The following DNAJB13 variants were observed in gnomAD, a reference collection of about 807,000 sequenced individuals.
DNAJB13 encodes DnaJ heat shock protein family (Hsp40) member B13.
A neutral mutation model predicts 35.6 loss-of-function variants in DNAJB13; 22 were observed. That is an observed-to-expected ratio of 0.62 (90% confidence interval 0.44 to 0.88). DNAJB13 has a LOEUF of 0.88. DNAJB13 is among the 40% of genes least tolerant of loss of function. The pLI is 0.00. For synonymous variants in DNAJB13, 136 were observed against 144.2 expected (o/e 0.94, Z 0.41); for missense variants, 370 against 384.3 (o/e 0.96, Z 0.31).
At chr11:73,965,623 A>G in intron 4 of DNAJB13, 1 of 162,714 alleles carries the variant, frequency 6.1e-6, no homozygotes, top group Admixed American at 5.8e-5. Flanking sequence ...CCACAGATGG[A>G]ACCCATCTGG....
At chr11:73,960,099 C>T (rs1453245720) in intron 3 of DNAJB13, among the ~76,000 whole-genome samples, 1 of 152,068 alleles carries the variant, frequency 6.6e-6, no homozygotes, top group Non-Finnish European at 1.5e-5. Context: ...ATATAAAACA[C>T]ATTGCAAAAG....
At chr11:73,954,784 T>C (rs1442660542) in intron 1 of DNAJB13, among the ~76,000 whole-genome samples, 2 of 151,790 alleles carry the variant, frequency 1.3e-5, no homozygotes, top group African/African-American at 2.4e-5. Context: ...GGTAAAACCC[T>C]GTCTCTACTA....
Position 73,964,959 on chromosome 11 carries a change from A to G in DNAJB13, c.416A>G (p.Gln139Arg), listed in dbSNP as rs200005644. The part of the protein sequence containing the change: ...QGRGVKKQDP[Q>R]VERDLYLSLE... Reference sequence around the variant, plus strand: ...CGAGGGGTCAAGAAGCAGGACCCCCAAGTCGAACGGGATCTCTACCTGTCC... The same window carrying G: ...CGAGGGGTCAAGAAGCAGGACCCCCGAGTCGAACGGGATCTCTACCTGTCC... The change falls in exon 4 of 8, where the codon CAA (glutamine) becomes CGA (arginine). Residue 139 changes from glutamine to arginine, a missense_variant. Physicochemically the swap from Gln to Arg is conservative, Grantham distance 43 (BLOSUM62 1). Transcript: ENST00000339764. The G allele has an allele frequency of 7.6e-5, 122 of 1,613,140 alleles. No homozygotes were observed. The African/African-American group carries it at 1.5e-3, about 20-fold the overall frequency.
At chr11:73,969,609 A>G (rs1219011343) in intron 7 of DNAJB13, among the ~76,000 whole-genome samples, 2 of 152,192 alleles carry the variant, frequency 1.3e-5, no homozygotes, top group Non-Finnish European at 2.9e-5. Context: ...CAAACTTCTC[A>G]TTAGAGTTCT....
chr11:73,965,170 G>A lies in DNAJB13; in HGVS notation c.492+135G>A, dbSNP rs369945954. ...TGGAACCTTAGATTCAGAGACCTAG[G>A]ATGTTAGAATTCCGGAATCTGAAAT... On this transcript the variant is annotated intron_variant, in intron 4 of 7. Coordinates refer to ENST00000339764, the MANE Select transcript of DNAJB13 (RefSeq NM_153614.4). 13 of 1,028,584 alleles carry A rather than the reference G, an allele frequency of 1.3e-5. No individual in the cohort carries two copies. In the African/African-American group the frequency reaches 2.1e-4, roughly 17 times the overall value. The allele number at this position is 1,028,584 out of a possible 1,614,324, so 63.7% of individuals were successfully genotyped here. A position where few individuals can be genotyped will look rare whatever the true frequency, so the allele number is the denominator to read the frequency against.
At position 73,959,588 on chromosome 11, in the gene DNAJB13, T is replaced by A; in HGVS notation, c.267T>A (p.Gly89=). The A allele has an allele frequency of 6.2e-7, 1 of 1,614,138 alleles. No homozygotes were observed. The highest frequency in any genetic ancestry group is 1.7e-5 in the Admixed American group (1 of 60,026). Residue 89 remains glycine (G), a synonymous_variant, in exon 3 of 8, where the codon GGT becomes GGA. Coordinates refer to ENST00000339764, the MANE Select transcript of DNAJB13 (RefSeq NM_153614.4). ...GATCCCAGACCCCATGGACAACTGG[T>A]TACGTCTTCCATGGCAAACCTGAAA... ...EFGSQTPWTT[G]YVFHGKPEKV... is the part of the protein sequence containing the mutation.
rs1351610145 is a variant in DNAJB13 at position 73,958,394 on chromosome 11, C to T, written c.146C>T (p.Ala49Val). The change falls in exon 2 of 8, where the codon GCA (alanine) becomes GTA (valine). Residue 49 changes from alanine (A) to valine (V), a missense_variant. Coordinates refer to ENST00000339764, the MANE Select transcript of DNAJB13 (RefSeq NM_153614.4). ...TCAGCAGAGATTTTCAGGCAAATAG[C>T]AGAGGCCTACGACGTGCTGAGTGAC... is the stretch of plus-strand genomic sequence containing the variant. ...PSSAEIFRQI[A>V]EAYDVLSDPM... 4.3e-6 allele frequency: 7 copies of T among 1,614,058 alleles called. No individual in the cohort carries two copies. In the South Asian group the frequency reaches 6.6e-5, roughly 15 times the overall value.
chr11:73,951,160 C>T, intron 1 of DNAJB13, 23 bp downstream of exon 1: 1 of 1,613,776 alleles, frequency 6.2e-7, no homozygotes, highest in Non-Finnish European at 8.5e-7. Context: ...GGGAGCCAGG[C>T]CTTAGGGGTG....
At chr11:73,955,785 A>G (rs1170658008) in intron 1 of DNAJB13, among the ~76,000 whole-genome samples, 1 of 152,138 alleles carries the variant, frequency 6.6e-6, no homozygotes, top group Non-Finnish European at 1.5e-5. Context: ...TAGGTGACAG[A>G]GTGAGACTCT....
chr11:73,959,974 A>G (rs1393693806), intron 3 of DNAJB13: 1 of 161,670 alleles, frequency 6.2e-6, no homozygotes, highest in Non-Finnish European at 1.3e-5. Flanking sequence ...CATGTTGCCC[A>G]GGCTGGTTTC....
intron 1 of DNAJB13, among the ~76,000 whole-genome samples, chr11:73,952,186 G>A (rs1205756731): frequency 6.6e-6 from 1 of 152,236 alleles, no homozygotes; most frequent in Admixed American, 6.5e-5. Context: ...CTTGGAAGGA[G>A]AGAGACCCTT....
intron 1 of DNAJB13, among the ~76,000 whole-genome samples, chr11:73,952,533 A>G (rs1241415067): frequency 1.3e-5 from 2 of 152,062 alleles, no homozygotes; most frequent in African/African-American, 4.8e-5. Flanking sequence ...CCTGTAGGGG[A>G]TCAGTGGCAT....
At chr11:73,966,400 G>A (rs892414214) in intron 5 of DNAJB13, 149 bp downstream of exon 5, 8 of 714,026 alleles carry the variant, frequency 1.1e-5, no homozygotes, top group Admixed American at 6.6e-5. Context: ...TGGGTGAGAT[G>A]GGATCCCTAA....
rs1950883163 is a variant in DNAJB13, at chr11:73,959,954, G to A, written c.334+299G>A. On this transcript the variant is annotated intron_variant, in intron 3 of 7. Coordinates refer to ENST00000339764, the MANE Select transcript of DNAJB13 (RefSeq NM_153614.4). ...ATTTTTTTATATTTTTAGTAGAGAC[G>A]AGGTTTCACCATGTTGCCCAGGCTG... 1.8e-5 allele frequency: 3 copies of A among 169,352 alleles called. No homozygotes were observed. In the South Asian group the frequency reaches 4.9e-4, roughly 28 times the overall value. The allele number at this position is 169,352 out of a possible 1,614,324, so 10.5% of individuals were successfully genotyped here.
chr11:73,960,782 T>C (rs962275640), intron 3 of DNAJB13, among the ~76,000 whole-genome samples: 3 of 152,258 alleles, frequency 2.0e-5, no homozygotes, highest in African/African-American at 7.2e-5. Flanking sequence ...ACAATGATTT[T>C]TTTTTTCACT....
chr11:73,957,485 C>G (rs775542307), intron 1 of DNAJB13, among the ~76,000 whole-genome samples: 4 of 152,170 alleles, frequency 2.6e-5, no homozygotes, highest in African/African-American at 4.8e-5. Context: ...GGGTCACTGC[C>G]GATACATATT....
In DNAJB13 at chr11:73,970,076, CAGA is replaced by C; in HGVS notation, c.919_921del (p.Lys307del). 1.7e-5 allele frequency: 28 copies of C among 1,610,132 alleles called. No individual in the cohort carries two copies. Among genetic ancestry groups the C allele is most frequent in the Non-Finnish European group, 2.4e-5 (28 of 1,178,092 alleles). On this transcript the variant is annotated inframe_deletion, in exon 8 of 8. Coordinates refer to ENST00000339764, the MANE Select transcript of DNAJB13 (RefSeq NM_153614.4). ...CCAGTTCCCCACCCGCCTCACACCCCAGAAGAAGCAGATGCTGCGCCAGGCATT... is the reference window on the plus strand; with the variant it reads ...CCAGTTCCCCACCCGCCTCACACCCCAGAAGCAGATGCTGCGCCAGGCATT...
intron 4 of DNAJB13, 92 bp from the exon 5 acceptor site, chr11:73,966,046 G>A (rs995869472): frequency 1.7e-6 from 2 of 1,172,304 alleles, no homozygotes; most frequent in African/African-American, 1.5e-5. Context: ...GTGTGCAAAG[G>A]TCACCTGAGT....
chr11:73,969,156 C>G (rs982301486), intron 6 of DNAJB13, 90 bp from the exon 7 acceptor site: 15 of 652,850 alleles, frequency 2.3e-5, no homozygotes, highest in Non-Finnish European at 1.9e-5. Flanking sequence ...AACTCACAGT[C>G]TGGCACTGGA....
Sources: allele counts gnomAD v4.1 joint callset (sites outside exome capture counted in the v4.1 genomes callset), GRCh38; gene constraint gnomAD v4.1.1; transcripts MANE v1.5; gene names NCBI Gene and HGNC (gene_info 2026-07-23, HGNC 2026-07-21).